Variants in MACROD2 observed in about 807,000 individuals in gnomAD.
MACROD2 encodes ADP-ribose glycohydrolase MACROD2.
A neutral mutation model predicts 70.4 loss-of-function variants in MACROD2; 36 were observed. That is an observed-to-expected ratio of 0.51 (90% CI 0.39 to 0.68). MACROD2 has a LOEUF of 0.68. Among genes scored for constraint, MACROD2 ranks in the 30% least tolerant of loss-of-function variants. The pLI is 0.00. For missense variants in MACROD2, 496 were observed against 538.4 expected (o/e 0.92, Z 0.78); for synonymous variants, 172 against 178.8 (o/e 0.96, Z 0.30).
intron 5 of MACROD2, among the ~76,000 whole-genome samples, chr20:15,151,856 G>A (rs1286915591): frequency 6.6e-6 from 1 of 151,974 alleles, no homozygotes; most frequent in Non-Finnish European, 1.5e-5. Context: ...AGTATTATAG[G>A]GTGGAGGAGT....
intron 4 of MACROD2, among the ~76,000 whole-genome samples, chr20:14,596,431 A>ATATG (rs1568690089): frequency 6.9e-6 from 1 of 144,598 alleles, no homozygotes; most frequent in Non-Finnish European, 1.5e-5. Context: ...ATATATATAT[A>ATATG]TATGCTTTTT....
At chr20:15,936,401 TCTG>T (rs1395111037) in intron 11 of MACROD2, among the ~76,000 whole-genome samples, 1 of 148,272 alleles carries the variant, frequency 6.7e-6, no homozygotes, top group African/African-American at 2.5e-5. Flanking sequence ...ATACATATTT[TCTG>T]CTACTATATG....
At chr20:15,044,263 A>G (rs1008846670) in intron 5 of MACROD2, among the ~76,000 whole-genome samples, 11 of 152,182 alleles carry the variant, frequency 7.2e-5, no homozygotes, top group Admixed American at 2.6e-4. Flanking sequence ...TATTATGAAT[A>G]ACCAAAGAGG....
intron 6 of MACROD2, among the ~76,000 whole-genome samples, chr20:15,396,542 A>G (rs1298733551): frequency 3.9e-5 from 6 of 152,230 alleles, no homozygotes; most frequent in Non-Finnish European, 8.8e-5. Flanking sequence ...ATTGCTTAGT[A>G]TAATCTTATT....
At chr20:15,819,101 A>G (rs1370536622) in intron 8 of MACROD2, among the ~76,000 whole-genome samples, 3 of 151,424 alleles carry the variant, frequency 2.0e-5, no homozygotes, top group Non-Finnish European at 2.9e-5. Context: ...CTGCATTTTC[A>G]TGTTCATTGC....
intron 5 of MACROD2, among the ~76,000 whole-genome samples, chr20:14,940,136 C>T (rs1354653734): frequency 7.8e-6 from 1 of 128,818 alleles, no homozygotes; most frequent in Non-Finnish European, 1.6e-5. Context: ...CATATGGAAA[C>T]CCTCATCTCT....
chr20:15,283,698 AAAAC>A (rs1356715036), intron 6 of MACROD2, among the ~76,000 whole-genome samples: 2 of 152,126 alleles, frequency 1.3e-5, no homozygotes, highest in Non-Finnish European at 2.9e-5. Context: ...AAAACAAACA[AAAAC>A]AAAAAAGAAA....
intron 5 of MACROD2, among the ~76,000 whole-genome samples, chr20:15,021,359 CAT>C (rs1179089107): frequency 9.0e-5 from 8 of 89,118 alleles, no homozygotes; most frequent in Admixed American, 1.1e-4. Flanking sequence ...GATGTATACA[CAT>C]GTGTGTATGC....
chr20:15,678,468 T>C (rs2050107675), intron 8 of MACROD2, among the ~76,000 whole-genome samples: 1 of 151,944 alleles, frequency 6.6e-6, no homozygotes, highest in South Asian at 2.1e-4. Context: ...CACGCCATTC[T>C]CCTGCCTCAG....
chr20:14,398,556 A>G (rs2083604858), intron 3 of MACROD2, among the ~76,000 whole-genome samples: 1 of 152,052 alleles, frequency 6.6e-6, no homozygotes, highest in Non-Finnish European at 1.5e-5. Flanking sequence ...GGGCATTTGT[A>G]TGTCTTCTTT....
At chr20:15,525,753 A>G (rs1455447858) in intron 8 of MACROD2, among the ~76,000 whole-genome samples, 1 of 152,196 alleles carries the variant, frequency 6.6e-6, no homozygotes, top group East Asian at 1.9e-4. Flanking sequence ...TAGGCTAATT[A>G]TCCTTTTATC....
intron 8 of MACROD2, among the ~76,000 whole-genome samples, chr20:15,795,549 T>C (rs2063665180): frequency 6.6e-6 from 1 of 152,110 alleles, no homozygotes. Flanking sequence ...CCGGGAATCA[T>C]TTAAACACTT....
At chr20:14,535,876 G>A (rs2085357983) in intron 4 of MACROD2, among the ~76,000 whole-genome samples, 1 of 152,134 alleles carries the variant, frequency 6.6e-6, no homozygotes, top group Non-Finnish European at 1.5e-5. Flanking sequence ...AGTTCTTCAA[G>A]TATATATTTT....
chr20:15,498,198 T>C (rs2047321841), intron 7 of MACROD2, among the ~76,000 whole-genome samples: 1 of 152,214 alleles, frequency 6.6e-6, no homozygotes, highest in Admixed American at 6.5e-5. Flanking sequence ...TAGCAAAGCC[T>C]GTAGAAACCT....
At chr20:15,999,156 TG>T (rs1286173101) in intron 15 of MACROD2, among the ~76,000 whole-genome samples, 2 of 152,178 alleles carry the variant, frequency 1.3e-5, no homozygotes, top group Admixed American at 1.3e-4. Context: ...GAACTGCTTT[TG>T]CTGCATCTTG....
chr20:14,736,841 A>G (rs2071671276), intron 5 of MACROD2, among the ~76,000 whole-genome samples: 1 of 152,166 alleles, frequency 6.6e-6, no homozygotes, highest in African/African-American at 2.4e-5. Context: ...AGTACATTGT[A>G]TTGTCTCTGC....
chr20:15,898,868 A>G (rs2065017140), intron 10 of MACROD2, among the ~76,000 whole-genome samples: 1 of 152,030 alleles, frequency 6.6e-6, no homozygotes, highest in East Asian at 1.9e-4. Flanking sequence ...ATATATATGT[A>G]AATATATATA....
chr20:14,076,060 C>T (rs756651907), intron 2 of MACROD2, among the ~76,000 whole-genome samples: 32 of 152,194 alleles, frequency 2.1e-4, no homozygotes, highest in Middle Eastern at 3.4e-3. Context: ...ACAATTTTGA[C>T]AAAAATGTAG....
chr20:14,153,873 A>G (rs375050912), intron 3 of MACROD2, among the ~76,000 whole-genome samples: 3 of 152,270 alleles, frequency 2.0e-5, no homozygotes, highest in East Asian at 3.8e-4. Context: ...TTTATGTAGT[A>G]TCAGAAAGGA....
Sources: allele counts gnomAD v4.1 joint callset (sites outside exome capture counted in the v4.1 genomes callset), GRCh38; gene constraint gnomAD v4.1.1; transcripts MANE v1.5; gene names NCBI Gene and HGNC (gene_info 2026-07-23, HGNC 2026-07-21).